Variants in CARMIL1 observed in about 807,000 individuals in gnomAD.
The protein encoded by CARMIL1 is capping protein regulator and myosin 1 linker 1.
A neutral mutation model predicts 177.1 loss-of-function variants in CARMIL1; 90 were observed. That is an observed-to-expected ratio of 0.51 (90% CI 0.43 to 0.61). The LOEUF (loss-of-function observed/expected upper bound fraction) is 0.61. Ranked by LOEUF, CARMIL1 falls within the 20% of genes least tolerant of loss-of-function variation. The pLI, the probability that CARMIL1 is intolerant of heterozygous loss-of-function variation, is 0.00. For missense variants in CARMIL1, 1,380 were observed against 1,667.0 expected (o/e 0.83, Z 3.00); for synonymous variants, 577 against 606.2 (o/e 0.95, Z 0.71).
chr6:25,445,041 C>T (rs9461174), intron 5 of CARMIL1, among the ~76,000 whole-genome samples: 20,186 of 152,164 alleles, frequency 0.13, 1,323 homozygotes, highest in Middle Eastern at 0.21. Flanking sequence ...ATCTGTTGTT[C>T]CCTGACTTTT....
At chr6:25,290,148 C>T (rs114412595) in intron 2 of CARMIL1, among the ~76,000 whole-genome samples, 4,115 of 152,128 alleles carry the variant, frequency 0.027, 69 homozygotes, top group Non-Finnish European at 0.038. Context: ...CAAGCTGGAG[C>T]ACAGTGACAT....
chr6:25,523,750 C>T (rs796083430), intron 23 of CARMIL1, among the ~76,000 whole-genome samples: 4 of 152,248 alleles, frequency 2.6e-5, no homozygotes, highest in African/African-American at 9.6e-5. Context: ...AAAACTATCA[C>T]CCTGAAAACT....
At chr6:25,284,038 T>C (rs916634530) in intron 1 of CARMIL1, among the ~76,000 whole-genome samples, 1 of 152,132 alleles carries the variant, frequency 6.6e-6, no homozygotes, top group Non-Finnish European at 1.5e-5. Context: ...CTGTTTTGTT[T>C]TGCCGTATTC....
At chr6:25,297,329 A>C (rs1397308159) in intron 2 of CARMIL1, among the ~76,000 whole-genome samples, 1 of 152,238 alleles carries the variant, frequency 6.6e-6, no homozygotes, top group Non-Finnish European at 1.5e-5. Flanking sequence ...GCTCCTTATC[A>C]GAATTTTATC....
At position 25,577,708 on chromosome 6, in the gene CARMIL1, T is replaced by A. The variant is rs1428631238; in HGVS notation, c.2743-3216T>A. 6.6e-6 allele frequency among the ~76,000 whole-genome samples: 1 copy of A among 152,160 alleles called. No homozygotes were observed. The highest frequency in any genetic ancestry group is 1.5e-5 in the Non-Finnish European group (1 of 68,018). On this transcript the variant is annotated intron_variant, in intron 29 of 36. Transcript: ENST00000329474. The surrounding 1 kb of genome is among the most constrained non-coding windows in gnomAD (Gnocchi z 4.5). The stretch of plus-strand genomic sequence containing the variant: ...AAGGTTCCAAGATTAGTCTTTAACT[T>A]GTAGTAAAAGTAGACATATCTCAAT...
At chr6:25,453,342 A>G (rs956116260) in intron 8 of CARMIL1, among the ~76,000 whole-genome samples, 2 of 152,204 alleles carry the variant, frequency 1.3e-5, no homozygotes, top group Admixed American at 6.5e-5. Context: ...CCAAATCCCA[A>G]ATCTAAATAA....
At chr6:25,612,126 T>C (rs1816556276) in intron 36 of CARMIL1, among the ~76,000 whole-genome samples, 1 of 152,232 alleles carries the variant, frequency 6.6e-6, no homozygotes, top group African/African-American at 2.4e-5. Flanking sequence ...ATAGACATCA[T>C]CCTGGTGTTA....
chr6:25,563,735 C>T (rs1020503893), intron 29 of CARMIL1: 1 of 985,284 alleles, frequency 1.0e-6, no homozygotes, highest in African/African-American at 1.7e-5. Flanking sequence ...TATCACCCAC[C>T]AGGCTTGCTA....
At chr6:25,310,070 A>G (rs912167431) in intron 2 of CARMIL1, among the ~76,000 whole-genome samples, 2 of 151,980 alleles carry the variant, frequency 1.3e-5, no homozygotes, top group South Asian at 2.1e-4. Flanking sequence ...GCCGGGCCAC[A>G]TCTTTTTTTA....
At chr6:25,459,269 T>TCTTTCTTTCTTTCTTTC (rs56094712) in intron 8 of CARMIL1, among the ~76,000 whole-genome samples, 259 of 117,922 alleles carry the variant, frequency 2.2e-3, no homozygotes, top group Middle Eastern at 4.4e-3. Flanking sequence ...TTTCTTTCTT[T>TCTTTCTTTCTTTCTTTC]TTTTTTTTTT....
intron 2 of CARMIL1, among the ~76,000 whole-genome samples, chr6:25,348,324 G>A (rs999618640): frequency 1.3e-4 from 19 of 151,656 alleles, no homozygotes; most frequent in African/African-American, 3.9e-4. Context: ...TAGAGATGGG[G>A]TTTCACCATG....
intron 2 of CARMIL1, among the ~76,000 whole-genome samples, chr6:25,382,706 A>C (rs931483327): frequency 2.0e-5 from 3 of 152,124 alleles, no homozygotes; most frequent in Admixed American, 2.0e-4. Context: ...GGCAAGACAC[A>C]GGGCGCTCAT....
In CARMIL1 at chr6:25,279,418, G is replaced by A. The variant is rs563900735; in HGVS notation, c.-378G>A. 5.9e-4 allele frequency: 204 copies of A among 348,552 alleles called. No individual in the cohort carries two copies. The highest frequency in any genetic ancestry group is 4.0e-3 in the African/African-American group (179 of 45,012). The allele number at this position is 348,552 out of a possible 1,614,324, so 21.6% of individuals were successfully genotyped here. A position where few individuals can be genotyped will look rare whatever the true frequency, so the allele number is the denominator to read the frequency against. Reference sequence around the variant, plus strand: ...GCTTTCACCTAGGGCTGTAGGTGCGGCGCGGAGGCTGGGCGGGAGCTACGC... The same window carrying A: ...GCTTTCACCTAGGGCTGTAGGTGCGACGCGGAGGCTGGGCGGGAGCTACGC... On this transcript the variant is annotated 5_prime_UTR_variant, in exon 1 of 37. Transcript: ENST00000329474.
chr6:25,420,875 A>T (rs957945103), intron 3 of CARMIL1, among the ~76,000 whole-genome samples: 2 of 152,240 alleles, frequency 1.3e-5, no homozygotes, highest in African/African-American at 4.8e-5. Flanking sequence ...CTGAATGGTC[A>T]TAGGAAATTG....
chr6:25,390,474 A>T (rs1393971355), intron 2 of CARMIL1, among the ~76,000 whole-genome samples: 1 of 151,190 alleles, frequency 6.6e-6, no homozygotes, highest in African/African-American at 2.4e-5. Context: ...GGCACATGCC[A>T]ACAAGCGAGC....
chr6:25,347,143 T>C (rs1426008684), intron 2 of CARMIL1, among the ~76,000 whole-genome samples: 1 of 152,256 alleles, frequency 6.6e-6, no homozygotes. Context: ...GAGGCACTGA[T>C]ATCTGTCTAT....
chr6:25,534,713 A>G (rs921487576), intron 24 of CARMIL1, among the ~76,000 whole-genome samples: 3 of 152,144 alleles, frequency 2.0e-5, no homozygotes, highest in Non-Finnish European at 4.4e-5. Flanking sequence ...TGGATATTAC[A>G]TTATGTAGCA....
At chr6:25,444,609 T>C (rs1006435133) in intron 5 of CARMIL1, among the ~76,000 whole-genome samples, 1 of 152,082 alleles carries the variant, frequency 6.6e-6, no homozygotes, top group African/African-American at 2.4e-5. Flanking sequence ...CACCTTTGAG[T>C]GAGAAGATGC....
intron 17 of CARMIL1, among the ~76,000 whole-genome samples, chr6:25,506,537 G>A (rs1020040881): frequency 2.9e-5 from 4 of 139,224 alleles, no homozygotes; most frequent in African/African-American, 1.1e-4. Context: ...CAGTGACTCC[G>A]TCTCAAACAA....
Sources: gnomAD v4.1 joint callset for allele counts (sites outside exome capture counted in the v4.1 genomes callset) on GRCh38, gnomAD v4.1.1 for gene constraint, Gnocchi (gnomAD v3.1) non-coding constraint, MANE v1.5 for transcripts, NCBI Gene and HGNC (gene_info 2026-07-23, HGNC 2026-07-21) for gene names.